Variants in LRP1 observed in about 807,000 individuals in gnomAD.
The protein encoded by LRP1 is LDL receptor related protein 1.
LRP1 carries 51 observed loss-of-function variants against 541.5 expected under a neutral mutation model. The ratio of observed to expected loss-of-function variants is 0.09; its 90% CI spans 0.08 to 0.12. The LOEUF (loss-of-function observed/expected upper bound fraction) is 0.12, where lower values mean the gene tolerates loss of function less well. LRP1 is among the 10% of genes least tolerant of loss of function. The pLI, the probability that LRP1 is intolerant of heterozygous loss-of-function variation, is 1.00. For missense variants in LRP1, 3,878 were observed against 6,376.2 expected (o/e 0.61, Z 13.34); for synonymous variants, 2,219 against 2,470.8 (o/e 0.90, Z 3.02).
At chr12:57,142,560 C>T (rs1005116550) in intron 3 of LRP1, among the ~76,000 whole-genome samples, 2 of 152,148 alleles carry the variant, frequency 1.3e-5, no homozygotes, top group African/African-American at 2.4e-5. Flanking sequence ...TAAATGACCA[C>T]GCGCACCCCT....
rs1357611663 is a variant in LRP1, at chr12:57,158,364, T to C, written c.1562-38T>C. On this transcript the variant is annotated intron_variant, in intron 10 of 88. Transcript: ENST00000243077. This position sits in a 1 kb window ranked among gnomAD's most constrained non-coding sequence, Gnocchi z 5.3. ...CCCCTGGGTGGGGATGATGGTCATG[T>C]GTGTGTCTGACTGTACCCTGGCTTG... The C allele has an allele frequency of 6.6e-7, 1 of 1,518,660 alleles. No individual in the cohort carries two copies. The highest frequency in any genetic ancestry group is 1.4e-5 in the African/African-American group (1 of 73,218). 94.1% of individuals were successfully genotyped at this position (1,518,660 alleles called of 1,614,324 possible). A position where few individuals can be genotyped will look rare whatever the true frequency, so the allele number is the denominator to read the frequency against.
chr12:57,134,129 G>A (rs2035100582), intron 1 of LRP1, among the ~76,000 whole-genome samples: 1 of 145,788 alleles, frequency 6.9e-6, no homozygotes, highest in African/African-American at 2.5e-5. Context: ...GGGTGCCTGG[G>A]TTTGGGGGGG....
At chr12:57,130,398 C>T (rs999283469) in intron 1 of LRP1, among the ~76,000 whole-genome samples, 2 of 152,110 alleles carry the variant, frequency 1.3e-5, no homozygotes, top group Non-Finnish European at 2.9e-5. Flanking sequence ...CTCAGTTGTG[C>T]CATCTTGGGG....
chr12:57,144,985 C>T lies in LRP1; in HGVS notation c.462C>T (p.Cys154=). The T allele has an allele frequency of 1.2e-6, 2 of 1,614,064 alleles. No homozygotes were observed. The highest frequency in any genetic ancestry group is 1.7e-6 in the Non-Finnish European group (2 of 1,179,992). Residue 154 remains cysteine (C), a synonymous_variant, in exon 5 of 89, where the codon TGC becomes TGT. Transcript: ENST00000243077. ...TTTCCTCGGCAGATTTTGATGAGTG[C>T]TCAGTGTACGGCACCTGCAGCCAGC... is the stretch of plus-strand genomic sequence containing the variant. ...DGKTCKDFDE[C]SVYGTCSQLC... is the part of the protein sequence containing the mutation.
In LRP1 at chr12:57,183,482, G is replaced by A. The variant is rs191768462; in HGVS notation, c.5766G>A (p.Ser1922=). ...SDALVPVSGT[S]LAVGIDFHAE... Reference sequence around the variant, plus strand: ...CCCTGGTCCCAGTGTCCGGGACCTCGCTGGCTGTCGGCATCGACTTCCACG... The same window carrying A: ...CCCTGGTCCCAGTGTCCGGGACCTCACTGGCTGTCGGCATCGACTTCCACG... Residue 1922 remains serine, a synonymous_variant, in exon 35 of 89, where the codon TCG becomes TCA. Transcript: ENST00000243077. This position sits in a 1 kb window ranked among gnomAD's most constrained non-coding sequence, Gnocchi z 6.1. 528 of 1,613,952 alleles carry A rather than the reference G, an allele frequency of 3.3e-4. 6 individuals carry two copies. In the East Asian group the frequency reaches 0.01, roughly 31 times the overall value.
rs2036677284 is a variant in LRP1, at chr12:57,202,488, G to A, written c.10662G>A (p.Gln3554=). The A allele has an allele frequency of 6.2e-7, 1 of 1,613,638 alleles. No individual in the cohort carries two copies. Among genetic ancestry groups the A allele is most frequent in the Non-Finnish European group, 8.5e-7 (1 of 1,180,016 alleles). Residue 3554 remains glutamine (Q), a synonymous_variant, in exon 68 of 89, where the codon CAG becomes CAA. Transcript: ENST00000243077. ...ACCGCTGCGTGCCCGGCCGCTGGCA[G>A]TGCGACTACGACAACGATTGCGGTG... ...KNNRCVPGRW[Q]CDYDNDCGDN...
chr12:57,175,350 G>C (rs2036021432), intron 22 of LRP1, 110 bp from the exon 23 acceptor site: 13 of 1,303,900 alleles, frequency 1.0e-5, no homozygotes, highest in Non-Finnish European at 1.4e-5. Flanking sequence ...CGTGGGCAGG[G>C]CACAAGGACT....
chr12:57,163,440 G>C (rs1335262361), intron 15 of LRP1, among the ~76,000 whole-genome samples: 1 of 151,970 alleles, frequency 6.6e-6, no homozygotes, highest in Non-Finnish European at 1.5e-5. Flanking sequence ...TTAGCCAAGC[G>C]TGGTGGCAGG....
At chr12:57,160,273 A>G (rs2035701011) in intron 12 of LRP1, among the ~76,000 whole-genome samples, 1 of 152,088 alleles carries the variant, frequency 6.6e-6, no homozygotes, top group African/African-American at 2.4e-5. Flanking sequence ...CGTTCTTGTC[A>G]GGCCTGCACA....
rs1343428169 is a variant in LRP1, at chr12:57,205,147, A to G, written c.11233A>G (p.Lys3745Glu). ...TAHTTHCKDKKEFLCRNQRCL... is the reference protein window; with the variant it reads ...TAHTTHCKDKEEFLCRNQRCL... ...CCACACCACCCACTGCAAAGACAAGAAGGAGTTTCTGTGCCGGAACCAGCG... is the reference window on the plus strand; with the variant it reads ...CCACACCACCCACTGCAAAGACAAGGAGGAGTTTCTGTGCCGGAACCAGCG... The change falls in exon 73 of 89, where the codon AAG (lysine) becomes GAG (glutamate). Residue 3745 changes from lysine to glutamate, a missense_variant. Lys to Glu is a moderately conservative substitution (Grantham distance 56, BLOSUM62 1). Around this residue, in one of 13 missense-constraint regions of LRP1, gnomAD observed 871 missense variants for 1,212.4 expected, o/e 0.72. Transcript: ENST00000243077. The surrounding 1 kb of genome is among the most constrained non-coding windows in gnomAD (Gnocchi z 4.6). 5 of 1,613,916 alleles carry G rather than the reference A, an allele frequency of 3.1e-6. No individual in the cohort carries two copies. Among genetic ancestry groups the G allele is most frequent in the Non-Finnish European group, 4.2e-6 (5 of 1,179,980 alleles).
At chr12:57,181,842 AAATG>A (rs2036171996) in intron 34 of LRP1, among the ~76,000 whole-genome samples, 1 of 152,326 alleles carries the variant, frequency 6.6e-6, no homozygotes, top group Middle Eastern at 3.4e-3. Context: ...TGAAGAAAAG[AAATG>A]AAACCCAGAC....
intron 52 of LRP1, 74 bp from the exon 53 acceptor site, chr12:57,195,584 C>G: frequency 6.2e-7 from 1 of 1,608,442 alleles, no homozygotes; most frequent in Non-Finnish European, 8.5e-7. Flanking sequence ...AGGAGAACCA[C>G]AGGAGGTTAG....
Position 57,173,483 on chromosome 12 carries a change from A to G in LRP1, c.3346+133A>G. ...GGTGCTGGGGACAGTGCAAGGCAAA[A>G]GGCAGTCCAGAGGAAGCTTGTGTGT... On this transcript the variant is annotated intron_variant, in intron 21 of 88. Transcript: ENST00000243077. This position sits in a 1 kb window ranked among gnomAD's most constrained non-coding sequence, Gnocchi z 4.7. 1 of 1,001,938 alleles carries G rather than the reference A, an allele frequency of 1.0e-6. No homozygotes were observed. The highest frequency in any genetic ancestry group is 1.5e-6 in the Non-Finnish European group (1 of 689,112). 62.1% of individuals were successfully genotyped at this position (1,001,938 alleles called of 1,614,324 possible).
Position 57,171,768 on chromosome 12 carries a change from C to T in LRP1, c.3164-1400C>T, listed in dbSNP as rs1408903533. Among the ~76,000 whole-genome samples, 7 of 152,184 alleles carry T rather than the reference C, an allele frequency of 4.6e-5. No individual in the cohort carries two copies. In the South Asian group the frequency reaches 6.2e-4, roughly 14 times the overall value. ...GTCCAGGGTAGGGAAGGGGGAGGAG[C>T]GGGGTGTCTGTGGCAGCATGAGTGT... On this transcript the variant is annotated intron_variant, in intron 20 of 88. Transcript: ENST00000243077.
In LRP1 at chr12:57,204,283, C is replaced by T. The variant is rs2036721364; in HGVS notation, c.10952-127C>T. On this transcript the variant is annotated intron_variant, in intron 70 of 88. Transcript: ENST00000243077. The surrounding 1 kb of genome is among the most constrained non-coding windows in gnomAD (Gnocchi z 5.3). ...CCCACCAAGTAGAAATTTAAGAGAC[C>T]TGGTTCCAATTTGGCTGTGCCACTG... The T allele has an allele frequency of 8.6e-7, 1 of 1,158,000 alleles. No individual in the cohort carries two copies. The highest frequency in any genetic ancestry group is 1.2e-6 in the Non-Finnish European group (1 of 846,548). The allele number at this position is 1,158,000 out of a possible 1,614,324, so 71.7% of individuals were successfully genotyped here. A position where few individuals can be genotyped will look rare whatever the true frequency, so the allele number is the denominator to read the frequency against.
chr12:57,175,846 C>T, intron 23 of LRP1, 63 bp from the exon 24 acceptor site: 1 of 1,594,848 alleles, frequency 6.3e-7, no homozygotes. Context: ...CTGCCTGCGC[C>T]AGGACGGGTG....
chr12:57,185,808 C>A lies in LRP1; in HGVS notation c.6741C>A (p.Thr2247=). ...TGGCCTTTGACTACCGGGCAGGCAC[C>A]TCTCCGGGCACCCCCAATCGCATCT... The part of the protein sequence containing the change: ...IALAFDYRAG[T]SPGTPNRIFF... The change falls in exon 41 of 89, where the codon ACC becomes ACA. Residue 2247 remains threonine (T), a synonymous_variant. Transcript: ENST00000243077. This position sits in a 1 kb window ranked among gnomAD's most constrained non-coding sequence, Gnocchi z 4.9. The A allele has an allele frequency of 1.9e-6, 3 of 1,614,234 alleles. No individual in the cohort carries two copies. Among genetic ancestry groups the A allele is most frequent in the Non-Finnish European group, 2.5e-6 (3 of 1,180,040 alleles).
chr12:57,145,119 G>T lies in LRP1; in HGVS notation c.577+19G>T. 1 of 1,613,818 alleles carries T rather than the reference G, an allele frequency of 6.2e-7. No individual in the cohort carries two copies. The highest frequency in any genetic ancestry group is 8.5e-7 in the Non-Finnish European group (1 of 1,180,000). ...AAGAACGGTGGGTGGGGTTGCCTCTGGCCACAGTGCTAACTAAGCCCCCTC... is the reference window on the plus strand; with the variant it reads ...AAGAACGGTGGGTGGGGTTGCCTCTTGCCACAGTGCTAACTAAGCCCCCTC... On this transcript the variant is annotated intron_variant, in intron 5 of 88. Coordinates refer to ENST00000243077, the MANE Select transcript of LRP1 (RefSeq NM_002332.3).
chr12:57,200,094 A>C, intron 62 of LRP1, 69 bp downstream of exon 62: 1 of 1,365,170 alleles, frequency 7.3e-7, no homozygotes, highest in African/African-American at 1.5e-5. Context: ...TTGGACCCCA[A>C]CACCTGCTCT....
Sources: gnomAD v4.1 joint callset for allele counts (sites outside exome capture counted in the v4.1 genomes callset) on GRCh38, gnomAD v4.1.1 for gene constraint, gnomAD v4.1.1 regional missense constraint, Gnocchi (gnomAD v3.1) non-coding constraint, MANE v1.5 for transcripts, NCBI Gene and HGNC (gene_info 2026-07-23, HGNC 2026-07-21) for gene names.